Variants in STAG3 observed in about 807,000 individuals in gnomAD.
The protein encoded by STAG3 is STAG3 cohesin complex component.
A neutral mutation model predicts 160.7 loss-of-function variants in STAG3; 101 were observed. That is an observed-to-expected ratio of 0.63 (90% CI 0.54 to 0.74). The LOEUF (loss-of-function observed/expected upper bound fraction) is 0.74, where lower values mean the gene tolerates loss of function less well. STAG3 is among the 30% of genes least tolerant of loss of function. The pLI, the probability that STAG3 is intolerant of heterozygous loss-of-function variation, is 0.00. For synonymous variants in STAG3, 519 were observed against 585.0 expected, an observed-to-expected ratio of 0.89 and a Z score of 1.63; for missense variants, 1,188 against 1,517.4, an observed-to-expected ratio of 0.78 and a Z score of 3.61.
rs1027893360 is a variant in STAG3 at position 100,205,142 on chromosome 7, G to A, written c.3080+9G>A. The stretch of plus-strand genomic sequence containing the variant: ...CAGGACAAGCAGCTTTTGTAAGTTG[G>A]TGGGTGGATAGAGATGTGGATTAGG... On this transcript the variant is annotated intron_variant, in intron 28 of 33. Transcript: ENST00000615138. The A allele has an allele frequency of 1.2e-6, 2 of 1,614,092 alleles. No individual in the cohort carries two copies. Among genetic ancestry groups the A allele is most frequent in the African/African-American group, 1.3e-5 (1 of 75,054 alleles).
chr7:100,183,647 G>A (rs1347299650), intron 4 of STAG3, among the ~76,000 whole-genome samples: 2 of 152,194 alleles, frequency 1.3e-5, no homozygotes, highest in Non-Finnish European at 2.9e-5. Flanking sequence ...GATCCTTTGT[G>A]TACCTTCTTT....
chr7:100,201,723 CT>C, intron 21 of STAG3, 62 bp from the exon 22 acceptor site: 1 of 1,402,064 alleles, frequency 7.1e-7, no homozygotes, highest in Non-Finnish European at 1.0e-6. Flanking sequence ...TGGTGTGTTT[CT>C]GGCTATCTGT....
At chr7:100,182,001 G>A (rs572106852) in intron 2 of STAG3, 89 bp from the exon 3 acceptor site, 30 of 856,666 alleles carry the variant, frequency 3.5e-5, no homozygotes, top group African/African-American at 2.5e-4. Flanking sequence ...GATGGGGTGC[G>A]GTGAGAGACA....
chr7:100,206,827 C>T lies in STAG3; in HGVS notation c.3238+1443C>T, dbSNP rs144715695. ...TATTCACTGAATTGTACAACCATCA[C>T]AACTATCTAATTTTAGAACATTTTC... On this transcript the variant is annotated intron_variant, in intron 29 of 33. Coordinates refer to ENST00000615138, the MANE Select transcript of STAG3 (RefSeq NM_001282717.2). Among the ~76,000 whole-genome samples the T allele has an allele frequency of 4.7e-3, 713 of 152,300 alleles. 3 individuals carry two copies. The highest frequency in any genetic ancestry group is 8.1e-3 in the Non-Finnish European group (550 of 68,014).
downstream of STAG3, chr7:100,219,009 G>T (rs1446778360): frequency 6.4e-6 from 1 of 155,628 alleles, no homozygotes; most frequent in African/African-American, 2.4e-5. Flanking sequence ...AGGGCGTTTA[G>T]AGAAAACCTG....
At chr7:100,183,199 A>G (rs984802752) in intron 4 of STAG3, among the ~76,000 whole-genome samples, 2 of 152,134 alleles carry the variant, frequency 1.3e-5, no homozygotes, top group Admixed American at 1.3e-4. Flanking sequence ...TTTTTAGTAG[A>G]GATGGGGTTT....
intron 8 of STAG3, among the ~76,000 whole-genome samples, chr7:100,193,935 ATTTCTTTTTTTTTTTTTTTTT>A (rs1800503160): frequency 8.4e-6 from 1 of 119,128 alleles, no homozygotes; most frequent in African/African-American, 3.0e-5. Flanking sequence ...AAGCTTAATC[ATTTCTTTTTTTTTTTTTTTTT>A]TTTCTTTTTC....
Position 100,202,512 on chromosome 7 carries a change from A to C in STAG3, c.2622A>C (p.Leu874=), listed in dbSNP as rs537482187. 1 of 1,614,182 alleles carries C rather than the reference A, an allele frequency of 6.2e-7. No individual in the cohort carries two copies. Among genetic ancestry groups the C allele is most frequent in the East Asian group, 2.2e-5 (1 of 44,888 alleles). The change falls in exon 25 of 34, where the codon CTA becomes CTC. Residue 874 remains leucine, a synonymous_variant. Transcript: ENST00000615138. ...IERLHQRRRL[L]AGFCKLLLYG... ...GGCTACACCAGCGGCGCCGCCTCCT[A>C]GCCGGGTTCTGCAAGCTGTTGCTTT... is the stretch of plus-strand genomic sequence containing the variant.
At chr7:100,178,446 ATTTC>A (rs998632472) in intron 1 of STAG3, among the ~76,000 whole-genome samples, 9 of 149,914 alleles carry the variant, frequency 6.0e-5, no homozygotes, top group Non-Finnish European at 7.4e-5. Flanking sequence ...TTTTTTTCTT[ATTTC>A]TTTCTTTATT....
chr7:100,190,497 A>G (rs557175410), intron 8 of STAG3, among the ~76,000 whole-genome samples: 1 of 152,340 alleles, frequency 6.6e-6, no homozygotes, highest in South Asian at 2.1e-4. Flanking sequence ...AAGCTTGAAT[A>G]TTAATCTATC....
At chr7:100,210,980 G>A (rs1445633841) in intron 29 of STAG3, 31 bp from the exon 30 acceptor site, 1 of 1,605,298 alleles carries the variant, frequency 6.2e-7, no homozygotes, top group East Asian at 2.2e-5. Flanking sequence ...CAGGCCCTGG[G>A]CTGTGGTTAA....
In STAG3 at chr7:100,197,759, G is replaced by C; in HGVS notation, c.1066-19G>C. 2.5e-6 allele frequency: 4 copies of C among 1,601,218 alleles called. No individual in the cohort carries two copies. Among genetic ancestry groups the C allele is most frequent in the Non-Finnish European group, 3.4e-6 (4 of 1,168,530 alleles). Reference sequence around the variant, plus strand: ...TGGTTAGTCTTATTTCCATTCTCCTGGTTTTCCCTCCTCACCAGCACCGAG... The same window carrying C: ...TGGTTAGTCTTATTTCCATTCTCCTCGTTTTCCCTCCTCACCAGCACCGAG... On this transcript the variant is annotated intron_variant, in intron 10 of 33. Transcript: ENST00000615138.
chr7:100,184,166 T>C (rs1437354686), intron 4 of STAG3, among the ~76,000 whole-genome samples: 5 of 151,882 alleles, frequency 3.3e-5, no homozygotes. Flanking sequence ...CTTTGGAGGC[T>C]GAGGCATGAG....
intron 8 of STAG3, among the ~76,000 whole-genome samples, chr7:100,193,749 T>A (rs1405339253): frequency 6.6e-6 from 1 of 152,212 alleles, no homozygotes; most frequent in Non-Finnish European, 1.5e-5. Context: ...GATCTTCTGT[T>A]CGGACTACTA....
chr7:100,185,005 CT>C (rs1799900824), intron 4 of STAG3, among the ~76,000 whole-genome samples: 3 of 151,282 alleles, frequency 2.0e-5, no homozygotes, highest in African/African-American at 7.3e-5. Flanking sequence ...AGAAAGGAAC[CT>C]GCTTTTGCTT....
chr7:100,208,095 G>C (rs972798027), intron 29 of STAG3, among the ~76,000 whole-genome samples: 1 of 151,828 alleles, frequency 6.6e-6, no homozygotes, highest in African/African-American at 2.4e-5. Flanking sequence ...CAACCTGGGC[G>C]AAAGAGCGAG....
chr7:100,202,457 A>T lies in STAG3; in HGVS notation c.2567A>T (p.Asp856Val). Residue 856 changes from aspartate (D) to valine (V), a missense_variant, in exon 25 of 34, where the codon GAT (aspartate) becomes GTT (valine). By Grantham distance (152) the Asp-to-Val change is radical. This residue lies in a region of STAG3 where 647 missense variants were observed against 717.2 expected (regional missense o/e 0.90). Transcript: ENST00000615138. ...TTTTGCCTTCCATGTGAGCCAGGTG[A>T]TTCCCAGGAGGATCATTTACAGATA... ...FIQPGDLGSGDSQEDHLQIER... is the reference protein window; with the variant it reads ...FIQPGDLGSGVSQEDHLQIER... 2 of 1,613,208 alleles carry T rather than the reference A, an allele frequency of 1.2e-6. No homozygotes were observed. Among genetic ancestry groups the T allele is most frequent in the Non-Finnish European group, 1.7e-6 (2 of 1,179,384 alleles).
intron 29 of STAG3, 55 bp from the exon 30 acceptor site, chr7:100,210,956 G>C (rs958260862): frequency 6.4e-7 from 1 of 1,561,006 alleles, no homozygotes; most frequent in African/African-American, 1.4e-5. Context: ...CTTGGAAAGA[G>C]AGCACACCTG....
chr7:100,198,520 C>T lies in STAG3; in HGVS notation c.1290C>T (p.Tyr430=). ...CGGACGCGGATTGTGAGAGCGTCTA[C>T]CCAGTTGTGTATGCCTCTCATCGAG... ...VLTDADCESV[Y]PVVYASHRGL... The change falls in exon 13 of 34, where the codon TAC becomes TAT. Residue 430 remains tyrosine, a synonymous_variant. Coordinates refer to ENST00000615138, the MANE Select transcript of STAG3 (RefSeq NM_001282717.2). 3.7e-6 allele frequency: 6 copies of T among 1,614,212 alleles called. No homozygotes were observed. The highest frequency in any genetic ancestry group is 5.1e-6 in the Non-Finnish European group (6 of 1,180,044).
Sources: gnomAD v4.1 joint callset for allele counts (sites outside exome capture counted in the v4.1 genomes callset) on GRCh38, gnomAD v4.1.1 for gene constraint, gnomAD v4.1.1 regional missense constraint, MANE v1.5 for transcripts, NCBI Gene and HGNC (gene_info 2026-07-23, HGNC 2026-07-21) for gene names.